DLG2: variants seen among roughly 807,000 people sequenced by gnomAD.
DLG2 encodes discs large MAGUK scaffold protein 2, also known as disks large homolog 2.
DLG2 carries 45 observed loss-of-function variants against 132.5 expected under a neutral mutation model. The observed-to-expected ratio is 0.34, with a 90% CI of 0.27 to 0.44. DLG2 has a LOEUF of 0.44. Ranked by LOEUF, DLG2 falls within the 20% of genes least tolerant of loss-of-function variation. DLG2 has a pLI of 1.00. For missense variants in DLG2, 1,045 were observed against 1,196.9 expected (o/e 0.87, Z 1.87); for synonymous variants, 424 against 419.6 (o/e 1.01, Z -0.13).
chr11:84,077,183 C>T (rs911987563), intron 10 of DLG2, among the ~76,000 whole-genome samples: 1 of 152,194 alleles, frequency 6.6e-6, no homozygotes, highest in Non-Finnish European at 1.5e-5. Context: ...CTTTACCAGT[C>T]AAGCTTATCA....
chr11:85,059,744 A>G (rs1312079454), intron 6 of DLG2, among the ~76,000 whole-genome samples: 2 of 151,558 alleles, frequency 1.3e-5, no homozygotes, highest in Admixed American at 1.3e-4. Flanking sequence ...AGGAGTGGTT[A>G]TTTTTGCAGT....
intron 5 of DLG2, among the ~76,000 whole-genome samples, chr11:85,136,585 C>G (rs191791883): frequency 7.5e-4 from 114 of 152,174 alleles, no homozygotes; most frequent in African/African-American, 2.7e-3. Flanking sequence ...CTTGATATTC[C>G]TTGAGGTTAA....
intron 4 of DLG2, among the ~76,000 whole-genome samples, chr11:85,206,329 G>A (rs962557906): frequency 6.6e-6 from 1 of 152,132 alleles, no homozygotes; most frequent in Non-Finnish European, 1.5e-5. Flanking sequence ...TTATAGAAAT[G>A]CAAGAACAGA....
At chr11:83,836,420 T>C (rs1012775621) in intron 16 of DLG2, among the ~76,000 whole-genome samples, 7 of 152,148 alleles carry the variant, frequency 4.6e-5, no homozygotes, top group South Asian at 4.1e-4. Flanking sequence ...TCAGCTCCTA[T>C]AGGCCATCCA....
chr11:84,181,239 A>G (rs1596804857), intron 8 of DLG2, among the ~76,000 whole-genome samples: 1 of 151,834 alleles, frequency 6.6e-6, no homozygotes, highest in East Asian at 1.9e-4. Flanking sequence ...TTGTTATAAG[A>G]CACTTGTACT....
intron 3 of DLG2, among the ~76,000 whole-genome samples, chr11:85,345,777 C>A (rs1211047651): frequency 6.6e-6 from 1 of 152,018 alleles, no homozygotes; most frequent in Non-Finnish European, 1.5e-5. Context: ...GAAAAATTAC[C>A]ATTGAGAATT....
intron 15 of DLG2, among the ~76,000 whole-genome samples, chr11:83,913,117 C>T (rs535535832): frequency 6.6e-6 from 1 of 152,142 alleles, no homozygotes; most frequent in South Asian, 2.1e-4. Context: ...TCATTTTAAT[C>T]ATGTTAATAA....
chr11:84,711,380 G>T (rs1391583488), intron 6 of DLG2, among the ~76,000 whole-genome samples: 1 of 53,528 alleles, frequency 1.9e-5, no homozygotes, highest in Non-Finnish European at 3.0e-5. Context: ...GAGAGAGAGA[G>T]ATCGATCGAT....
At position 83,582,521 on chromosome 11, in the gene DLG2, A is replaced by G. The variant is rs183286399; in HGVS notation, c.1941-40663T>C. 6.6e-5 allele frequency among the ~76,000 whole-genome samples: 10 copies of G among 152,342 alleles called. No individual in the cohort carries two copies. In the East Asian group the frequency reaches 1.5e-3, roughly 24 times the overall value. On this transcript the variant is annotated intron_variant, in intron 19 of 27. Coordinates refer to ENST00000376104, the MANE Select transcript of DLG2 (RefSeq NM_001142699.3). The stretch of plus-strand genomic sequence containing the variant: ...AAGACATTCTCAGTATCCTCACAAG[A>G]AAAGGAGGAATGCCCACAGCTCATC...
intron 7 of DLG2, among the ~76,000 whole-genome samples, chr11:84,370,928 G>C (rs1267861501): frequency 6.6e-6 from 1 of 152,032 alleles, no homozygotes; most frequent in Admixed American, 6.6e-5. Flanking sequence ...GCATCTAGGG[G>C]TCTATTTTAT....
intron 20 of DLG2, among the ~76,000 whole-genome samples, chr11:83,534,852 A>T (rs1181550934): frequency 6.6e-6 from 1 of 152,248 alleles, no homozygotes; most frequent in Admixed American, 6.5e-5. Flanking sequence ...CTGAGGCAGG[A>T]GAGTCACTTG....
chr11:84,729,053 A>AT (rs565880683), intron 6 of DLG2, among the ~76,000 whole-genome samples: 166 of 151,982 alleles, frequency 1.1e-3, no homozygotes, highest in African/African-American at 3.8e-3. Flanking sequence ...GGATTCATTG[A>AT]TTTTTTGAAG....
chr11:84,749,553 G>T (rs1463043676), intron 6 of DLG2, among the ~76,000 whole-genome samples: 1 of 152,120 alleles, frequency 6.6e-6, no homozygotes, highest in East Asian at 1.9e-4. Context: ...TTGCAGTCAA[G>T]GAGCAGTGGG....
intron 6 of DLG2, among the ~76,000 whole-genome samples, chr11:84,875,636 A>G (rs904999828): frequency 5.9e-5 from 9 of 152,170 alleles, no homozygotes; most frequent in Non-Finnish European, 2.9e-5. Context: ...ACCTATCATC[A>G]TCAATCAAGA....
At chr11:83,615,991 C>T (rs74728045) in intron 19 of DLG2, among the ~76,000 whole-genome samples, 2,463 of 152,122 alleles carry the variant, frequency 0.016, 69 homozygotes, top group African/African-American at 0.057. Flanking sequence ...GCCTAGAAAA[C>T]TAATATGCAT....
intron 3 of DLG2, among the ~76,000 whole-genome samples, chr11:85,405,586 A>G (rs2088647798): frequency 6.6e-6 from 1 of 152,014 alleles, no homozygotes; most frequent in South Asian, 2.1e-4. Flanking sequence ...TATTCCATAC[A>G]CAATATTACT....
At chr11:84,521,426 C>A (rs953924910) in intron 7 of DLG2, among the ~76,000 whole-genome samples, 3 of 152,114 alleles carry the variant, frequency 2.0e-5, no homozygotes, top group East Asian at 1.9e-4. Context: ...TAGGTGGCTG[C>A]CTTGGGAAAG....
At chr11:83,883,205 T>C (rs940163102) in intron 15 of DLG2, among the ~76,000 whole-genome samples, 1 of 152,198 alleles carries the variant, frequency 6.6e-6, no homozygotes, top group Non-Finnish European at 1.5e-5. Flanking sequence ...TTTTTTTATA[T>C]GTGAGGGTCA....
At chr11:84,691,582 C>A (rs10792773) in intron 6 of DLG2, among the ~76,000 whole-genome samples, 151,874 of 151,876 alleles carry the variant, frequency 1, 75,936 homozygotes, top group Middle Eastern at 1. Context: ...CATCCAAAAC[C>A]ATCATTTTTC....
Sources: allele counts gnomAD v4.1 joint callset (sites outside exome capture counted in the v4.1 genomes callset), GRCh38; gene constraint gnomAD v4.1.1; transcripts MANE v1.5; gene names NCBI Gene and HGNC (gene_info 2026-07-23, HGNC 2026-07-21).